Variants in PRKAR1A observed in about 807,000 individuals in gnomAD.
The protein encoded by PRKAR1A is cAMP-dependent protein kinase type I-alpha regulatory subunit.
A neutral mutation model predicts 52.0 loss-of-function variants in PRKAR1A; 3 were observed. The ratio of observed to expected loss-of-function variants is 0.06; its 90% CI spans 0.03 to 0.15. The LOEUF (loss-of-function observed/expected upper bound fraction) is 0.15, where lower values mean the gene tolerates loss of function less well. Among genes scored for constraint, PRKAR1A ranks in the 10% least tolerant of loss-of-function variants. The pLI is 1.00. For synonymous variants in PRKAR1A, 188 were observed against 168.4 expected (o/e 1.12, Z -0.90); for missense variants, 240 against 477.4 (o/e 0.50, Z 4.63).
the PRKAR1A span, among the ~76,000 whole-genome samples, chr17:68,458,599 TA>T: frequency 6.6e-6 from 1 of 152,076 alleles, no homozygotes; most frequent in Admixed American, 6.6e-5. Flanking sequence ...ATGAAAGGGG[TA>T]ACGTCTTGAA....
chr17:68,471,249 A>G, the PRKAR1A span, among the ~76,000 whole-genome samples: 2 of 152,334 alleles, frequency 1.3e-5, no homozygotes, highest in South Asian at 2.1e-4. Context: ...AAGCAGCTCT[A>G]TTGGTACTGA....
At position 68,530,843 on chromosome 17, in the gene PRKAR1A, CTG is replaced by C. The variant is rs1278928328; in HGVS notation, c.*397_*398del. 1.7e-6 allele frequency: 2 copies of C among 1,206,688 alleles called. No homozygotes were observed. Among genetic ancestry groups the C allele is most frequent in the African/African-American group, 1.5e-5 (1 of 65,778 alleles). The allele number at this position is 1,206,688 out of a possible 1,614,324, so 74.7% of individuals were successfully genotyped here. ...TTGTCCAGTTATAAGCGTATTTAGA[CTG>C]TGGCCATATATGCTGTATTTCTTTG... On this transcript the variant is annotated 3_prime_UTR_variant, in exon 11 of 11. Coordinates refer to ENST00000589228, the MANE Select transcript of PRKAR1A (RefSeq NM_002734.5).
At chr17:68,425,059 T>G in the PRKAR1A span, among the ~76,000 whole-genome samples, 137 of 152,220 alleles carry the variant, frequency 9.0e-4, no homozygotes, top group African/African-American at 3.2e-3. Flanking sequence ...CAGTTCCAGG[T>G]GATGGAAGAA....
chr17:68,433,454 C>T, the PRKAR1A span: 36 of 1,611,266 alleles, frequency 2.2e-5, no homozygotes, highest in African/African-American at 2.7e-5. Flanking sequence ...TTTGGTGCCC[C>T]GCGGAGTACT....
At chr17:68,444,951 C>T in the PRKAR1A span, among the ~76,000 whole-genome samples, 3 of 126,496 alleles carry the variant, frequency 2.4e-5, no homozygotes, top group East Asian at 5.1e-4. Flanking sequence ...GAAGGAGTCT[C>T]ACTCTGTCAC....
chr17:68,458,890 A>AT, the PRKAR1A span, among the ~76,000 whole-genome samples: 4 of 152,262 alleles, frequency 2.6e-5, no homozygotes, highest in South Asian at 2.1e-4. Flanking sequence ...GGTTTTCCCC[A>AT]TTTCCCACTT....
chr17:68,478,446 G>A, the PRKAR1A span, among the ~76,000 whole-genome samples: 4 of 152,204 alleles, frequency 2.6e-5, no homozygotes, highest in East Asian at 5.8e-4. Context: ...GTGAGACTTC[G>A]TCTCAAAAAC....
the PRKAR1A span, among the ~76,000 whole-genome samples, chr17:68,489,266 G>GTATA: frequency 1.6e-3 from 15 of 9,334 alleles, no homozygotes; most frequent in South Asian, 9.0e-3. Context: ...TATATGGAAA[G>GTATA]TATATATATA....
At chr17:68,474,881 A>G in the PRKAR1A span, among the ~76,000 whole-genome samples, 1 of 152,218 alleles carries the variant, frequency 6.6e-6, no homozygotes, top group African/African-American at 2.4e-5. Context: ...TCTATCTCAA[A>G]AAAATAAATA....
chr17:68,515,099 T>G lies in PRKAR1A; in HGVS notation c.-6-295T>G, dbSNP rs1306987601. On this transcript the variant is annotated intron_variant, in intron 1 of 10. Transcript: ENST00000589228. ...ATGAAATTCCCTTAAGGGCCTGACTTCAGCACCCGTCTCTGCAGAGGTTAG... is the reference window on the plus strand; with the variant it reads ...ATGAAATTCCCTTAAGGGCCTGACTGCAGCACCCGTCTCTGCAGAGGTTAG... The G allele has an allele frequency of 1.2e-5, 5 of 413,808 alleles. No homozygotes were observed. The East Asian group carries it at 2.4e-4, about 20-fold the overall frequency. 25.6% of individuals were successfully genotyped at this position (413,808 alleles called of 1,614,324 possible). A position where few individuals can be genotyped will look rare whatever the true frequency, so the allele number is the denominator to read the frequency against.
the PRKAR1A span, among the ~76,000 whole-genome samples, chr17:68,462,830 G>C: frequency 1.3e-5 from 2 of 152,216 alleles, no homozygotes; most frequent in Non-Finnish European, 2.9e-5. Flanking sequence ...ATTGTGCCAA[G>C]AGGGCCACGG....
chr17:68,471,310 G>A, the PRKAR1A span, among the ~76,000 whole-genome samples: 4 of 152,178 alleles, frequency 2.6e-5, no homozygotes, highest in African/African-American at 9.7e-5. Context: ...AAGTTCTACA[G>A]TATGCTGTCA....
chr17:68,549,823 T>C (rs1409434512), intron 11 of PRKAR1A, among the ~76,000 whole-genome samples: 1 of 152,246 alleles, frequency 6.6e-6, no homozygotes, highest in African/African-American at 2.4e-5. Context: ...CTCTGCTAAT[T>C]GCCATGTGTA....
Position 68,531,115 on chromosome 17 carries a change from A to G in PRKAR1A, c.*666A>G, listed in dbSNP as rs2085963260. 9.4e-7 allele frequency: 1 copy of G among 1,067,722 alleles called. No homozygotes were observed. The highest frequency in any genetic ancestry group is 1.1e-6 in the Non-Finnish European group (1 of 880,622). The allele number at this position is 1,067,722 out of a possible 1,614,324, so 66.1% of individuals were successfully genotyped here. A position where few individuals can be genotyped will look rare whatever the true frequency, so the allele number is the denominator to read the frequency against. On this transcript the variant is annotated 3_prime_UTR_variant, in exon 11 of 11. Transcript: ENST00000589228. ...TTAATGTTTCTTCTCCAATTCTGAA[A>G]TACTTTTGAGTATGGCTATCTATAC...
At chr17:68,457,982 C>A in the PRKAR1A span, among the ~76,000 whole-genome samples, 1 of 152,322 alleles carries the variant, frequency 6.6e-6, no homozygotes, top group Middle Eastern at 3.4e-3. Context: ...GGAGGACGCG[C>A]TAGTTCCCAC....
upstream of PRKAR1A, among the ~76,000 whole-genome samples, chr17:68,508,858 A>C (rs2085228652): frequency 6.6e-6 from 1 of 152,182 alleles, no homozygotes; most frequent in African/African-American, 2.4e-5. Flanking sequence ...TGCCAGTGAG[A>C]AAAGTAGGAA....
the PRKAR1A span, among the ~76,000 whole-genome samples, chr17:68,495,976 CTCCTCTCCTCTCCTCTCCTCTCCT>C: frequency 1.0e-3 from 7 of 6,914 alleles, no homozygotes; most frequent in South Asian, 0.012. Flanking sequence ...CCTCTCCTCT[CTCCTCTCCTCTCCTCTCCTCTCCT>C]CCCCTCCCCT....
At chr17:68,474,889 A>G in the PRKAR1A span, among the ~76,000 whole-genome samples, 1 of 152,208 alleles carries the variant, frequency 6.6e-6, no homozygotes, top group African/African-American at 2.4e-5. Context: ...AAAAAAATAA[A>G]TAAAGATAAA....
At chr17:68,421,938 A>G in the PRKAR1A span, 1 of 1,349,954 alleles carries the variant, frequency 7.4e-7, no homozygotes, top group Non-Finnish European at 1.1e-6. Flanking sequence ...GCACTGTGGA[A>G]TTTTTCTGTC....
Sources: allele counts gnomAD v4.1 joint callset (sites outside exome capture counted in the v4.1 genomes callset), GRCh38; gene constraint gnomAD v4.1.1; transcripts MANE v1.5; gene names NCBI Gene and HGNC (gene_info 2026-07-23, HGNC 2026-07-21).